Variants in CDC42SE2 observed in about 807,000 individuals in gnomAD.
The protein encoded by CDC42SE2 is CDC42 small effector protein 2.
CDC42SE2 carries 3 observed loss-of-function variants against 11.5 expected under a neutral mutation model. That is an observed-to-expected ratio of 0.26 (90% confidence interval 0.12 to 0.67). The LOEUF (loss-of-function observed/expected upper bound fraction) is 0.67. Ranked by LOEUF, CDC42SE2 falls within the 30% of genes least tolerant of loss-of-function variation. The pLI is 0.80. For synonymous variants in CDC42SE2, 33 were observed against 34.8 expected, an observed-to-expected ratio of 0.95 and a Z score of 0.18; for missense variants, 82 against 106.8, an observed-to-expected ratio of 0.77 and a Z score of 1.02.
chr5:131,382,612 C>T (rs1481919186), intron 3 of CDC42SE2, among the ~76,000 whole-genome samples: 6 of 152,142 alleles, frequency 3.9e-5, no homozygotes, highest in Non-Finnish European at 7.4e-5. Flanking sequence ...ACCACCTCCT[C>T]CCCTGCTTGA....
upstream of CDC42SE2, among the ~76,000 whole-genome samples, chr5:131,245,052 C>A (rs1039373164): frequency 1.3e-4 from 20 of 152,026 alleles, no homozygotes; most frequent in Non-Finnish European, 2.9e-5. Flanking sequence ...AATCCACAAA[C>A]CAACCAATAG....
chr5:131,347,891 A>G (rs2149759462), intron 2 of CDC42SE2, among the ~76,000 whole-genome samples: 1 of 152,356 alleles, frequency 6.6e-6, no homozygotes, highest in Non-Finnish European at 1.5e-5. Context: ...AGAACCAAAG[A>G]CAAAAACATG....
chr5:131,268,547 G>A (rs1480499096), intron 1 of CDC42SE2, among the ~76,000 whole-genome samples: 4 of 151,064 alleles, frequency 2.6e-5, no homozygotes, highest in African/African-American at 9.8e-5. Context: ...CCACCTCCCC[G>A]GTTCAAACAA....
chr5:131,270,075 A>C (rs2149692802), intron 1 of CDC42SE2, among the ~76,000 whole-genome samples: 1 of 150,550 alleles, frequency 6.6e-6, no homozygotes, highest in East Asian at 2.0e-4. Flanking sequence ...ACAAAAAAAC[A>C]AACAAAAAAA....
At chr5:131,370,898 G>T (rs1007735885) in intron 3 of CDC42SE2, among the ~76,000 whole-genome samples, 5 of 152,120 alleles carry the variant, frequency 3.3e-5, no homozygotes, top group African/African-American at 9.7e-5. Flanking sequence ...AGTTAGTGAG[G>T]ATTGGGTTCT....
chr5:131,224,906 T>G, the CDC42SE2 span, among the ~76,000 whole-genome samples: 1 of 151,512 alleles, frequency 6.6e-6, no homozygotes. Context: ...AGTGAAGGCA[T>G]CAGGCCAGCA....
intron 1 of CDC42SE2, among the ~76,000 whole-genome samples, chr5:131,293,572 CAAAA>C (rs57767937): frequency 2.0e-5 from 2 of 101,228 alleles, no homozygotes. Context: ...AACTCCGTCT[CAAAA>C]AAAAAAAAAA....
chr5:131,220,300 G>A, the CDC42SE2 span, among the ~76,000 whole-genome samples: 1 of 152,006 alleles, frequency 6.6e-6, no homozygotes, highest in African/African-American at 2.4e-5. Context: ...TCCGTCTCCC[G>A]GTTCAAGCGA....
chr5:131,216,236 C>A, the CDC42SE2 span, among the ~76,000 whole-genome samples: 1 of 152,122 alleles, frequency 6.6e-6, no homozygotes, highest in South Asian at 2.1e-4. Flanking sequence ...GCACCTCACG[C>A]CTGTAATCCC....
chr5:131,390,672 T>TA (rs887060395), intron 4 of CDC42SE2, among the ~76,000 whole-genome samples: 18 of 151,016 alleles, frequency 1.2e-4, no homozygotes, highest in Admixed American at 2.6e-4. Context: ...GAGACTGTCT[T>TA]AAAAAAAAAG....
intron 2 of CDC42SE2, among the ~76,000 whole-genome samples, chr5:131,333,676 C>G (rs1433415859): frequency 6.6e-6 from 1 of 152,086 alleles, no homozygotes; most frequent in Non-Finnish European, 1.5e-5. Flanking sequence ...TTGAAGAGGT[C>G]CTTCACATCC....
At chr5:131,375,929 A>G (rs1750137450) in intron 3 of CDC42SE2, among the ~76,000 whole-genome samples, 1 of 152,030 alleles carries the variant, frequency 6.6e-6, no homozygotes, top group Non-Finnish European at 1.5e-5. Flanking sequence ...AATATCCAGG[A>G]CCTGGACACT....
upstream of CDC42SE2, among the ~76,000 whole-genome samples, chr5:131,243,310 T>C (rs1043638170): frequency 6.6e-6 from 1 of 152,220 alleles, no homozygotes; most frequent in Non-Finnish European, 1.5e-5. Flanking sequence ...CCGGGCGCGG[T>C]GGCTCACGCC....
the CDC42SE2 span, among the ~76,000 whole-genome samples, chr5:131,234,094 T>C: frequency 6.6e-6 from 1 of 152,212 alleles, no homozygotes; most frequent in African/African-American, 2.4e-5. Flanking sequence ...AATGACGAAG[T>C]TTATTTGATG....
At chr5:131,390,253 CAG>C (rs1347700654) in intron 4 of CDC42SE2, among the ~76,000 whole-genome samples, 3 of 152,134 alleles carry the variant, frequency 2.0e-5, no homozygotes, top group Admixed American at 2.0e-4. Context: ...TTTTTTGACA[CAG>C]ACTTTTAAGA....
the CDC42SE2 span, among the ~76,000 whole-genome samples, chr5:131,223,724 A>G: frequency 6.6e-6 from 1 of 152,092 alleles, no homozygotes; most frequent in South Asian, 2.1e-4. Flanking sequence ...TGAACAAAAA[A>G]CCCTTTTTGA....
chr5:131,214,533 T>TA, the CDC42SE2 span, among the ~76,000 whole-genome samples: 1 of 152,144 alleles, frequency 6.6e-6, no homozygotes, highest in South Asian at 2.1e-4. Context: ...AATGGAACAG[T>TA]AAAAAATCTA....
intron 3 of CDC42SE2, among the ~76,000 whole-genome samples, chr5:131,362,131 C>G (rs952646596): frequency 1.3e-5 from 2 of 152,056 alleles, no homozygotes; most frequent in Non-Finnish European, 2.9e-5. Context: ...CTTTCTCTAC[C>G]CAGCACTTCC....
At chr5:131,318,787 C>A (rs527886027) in intron 2 of CDC42SE2, among the ~76,000 whole-genome samples, 3 of 152,286 alleles carry the variant, frequency 2.0e-5, no homozygotes, top group East Asian at 3.9e-4. Flanking sequence ...CTTTCTCAAC[C>A]CTCAATTATA....
Sources: gnomAD v4.1 joint callset for allele counts (sites outside exome capture counted in the v4.1 genomes callset) on GRCh38, gnomAD v4.1.1 for gene constraint, MANE v1.5 for transcripts, NCBI Gene and HGNC (gene_info 2026-07-23, HGNC 2026-07-21) for gene names.